Variants in NRG3 observed in about 807,000 individuals in gnomAD.
NRG3 encodes neuregulin 3, also known as pro-neuregulin-3, membrane-bound isoform.
A neutral mutation model predicts 66.9 loss-of-function variants in NRG3; 31 were observed. That is an observed-to-expected ratio of 0.46 (90% CI 0.35 to 0.63). The LOEUF (loss-of-function observed/expected upper bound fraction) is 0.63, where lower values mean the gene tolerates loss of function less well. NRG3 is among the 20% of genes least tolerant of loss of function. The probability of loss-of-function intolerance (pLI) is 0.00; values close to 1 mark genes in which losing one functional copy is unlikely to be tolerated. For missense variants in NRG3, 910 were observed against 878.9 expected (o/e 1.04, Z -0.45); for synonymous variants, 393 against 359.4 (o/e 1.09, Z -1.06).
chr10:82,330,500 T>G (rs2135264837), intron 1 of NRG3, among the ~76,000 whole-genome samples: 1 of 152,330 alleles, frequency 6.6e-6, no homozygotes, highest in Admixed American at 6.5e-5. Flanking sequence ...TTTACTGAAC[T>G]GTTCTATTAA....
chr10:82,507,795 A>G (rs571162798), intron 2 of NRG3, among the ~76,000 whole-genome samples: 27 of 152,344 alleles, frequency 1.8e-4, no homozygotes, highest in Admixed American at 5.9e-4. Context: ...GAAGGGGAAC[A>G]TATACATAGA....
At chr10:82,152,850 C>CTTTCTTTTCTTTCTT (rs1196359191) in intron 1 of NRG3, among the ~76,000 whole-genome samples, 1 of 136,052 alleles carries the variant, frequency 7.4e-6, no homozygotes, top group Non-Finnish European at 1.5e-5. Flanking sequence ...TTCTTTCTTT[C>CTTTCTTTTCTTTCTT]TTTCTTTTCT....
chr10:82,941,751 T>C (rs1037220634), intron 4 of NRG3, among the ~76,000 whole-genome samples: 4 of 152,164 alleles, frequency 2.6e-5, no homozygotes, highest in African/African-American at 7.2e-5. Context: ...GGGTTCGTTA[T>C]TGAATATTGT....
intron 4 of NRG3, among the ~76,000 whole-genome samples, chr10:82,949,748 G>C (rs1264045831): frequency 1.3e-5 from 2 of 151,984 alleles, no homozygotes; most frequent in African/African-American, 4.8e-5. Context: ...CTAGCTACTT[G>C]GGAGGCTGAA....
chr10:82,324,662 T>C (rs2081766607), intron 1 of NRG3, among the ~76,000 whole-genome samples: 1 of 152,210 alleles, frequency 6.6e-6, no homozygotes, highest in Admixed American at 6.5e-5. Context: ...TTTATATTAT[T>C]CCTTTCTCCA....
chr10:82,027,087 AATTTTCTAGGCATCCTTT>A (rs2062348042), intron 1 of NRG3, among the ~76,000 whole-genome samples: 1 of 152,062 alleles, frequency 6.6e-6, no homozygotes, highest in East Asian at 1.9e-4. Context: ...TTGTCAAATC[AATTTTCTAGGCATCCTTT>A]ATTTTCTGGG....
At chr10:82,636,702 A>T (rs991250719) in intron 2 of NRG3, among the ~76,000 whole-genome samples, 16 of 152,132 alleles carry the variant, frequency 1.1e-4, no homozygotes, top group African/African-American at 3.9e-4. Flanking sequence ...TGTTGCAATG[A>T]ACATGGGCAT....
At chr10:82,371,616 G>A (rs985831312) in intron 2 of NRG3, among the ~76,000 whole-genome samples, 1 of 152,022 alleles carries the variant, frequency 6.6e-6, no homozygotes, top group African/African-American at 2.4e-5. Context: ...TATCTGTTTT[G>A]TGTTGCTGTA....
intron 2 of NRG3, among the ~76,000 whole-genome samples, chr10:82,673,781 A>C (rs528587062): frequency 2.4e-4 from 36 of 152,172 alleles, no homozygotes; most frequent in Non-Finnish European, 4.9e-4. Context: ...ACCAACTAGA[A>C]AGTTAGGTCT....
At chr10:82,731,852 T>A (rs2057924600) in intron 2 of NRG3, among the ~76,000 whole-genome samples, 2 of 152,216 alleles carry the variant, frequency 1.3e-5, no homozygotes, top group Non-Finnish European at 2.9e-5. Context: ...ATCACCATTC[T>A]ATGTTCCATA....
Position 81,939,603 on chromosome 10 carries a change from C to A in NRG3, c.823+63440C>A, listed in dbSNP as rs1848224418. ...ATTCATCTCATTATTTCTGTGGCAT[C>A]AGTTGTAATGCCTCCTCTTTCATTT... On this transcript the variant is annotated intron_variant, in intron 1 of 8. Coordinates refer to ENST00000372141, the MANE Select transcript of NRG3 (RefSeq NM_001010848.4). 2.0e-5 allele frequency among the ~76,000 whole-genome samples: 3 copies of A among 151,506 alleles called. No individual in the cohort carries two copies. The South Asian group carries it at 6.2e-4, about 32-fold the overall frequency.
At chr10:82,913,138 T>C (rs1236330937) in intron 4 of NRG3, among the ~76,000 whole-genome samples, 1 of 152,114 alleles carries the variant, frequency 6.6e-6, no homozygotes, top group East Asian at 1.9e-4. Flanking sequence ...GGCAGGAGAA[T>C]GGCTTGAACC....
At chr10:82,740,917 G>A (rs2058396063) in intron 3 of NRG3, among the ~76,000 whole-genome samples, 1 of 151,106 alleles carries the variant, frequency 6.6e-6, no homozygotes, top group Admixed American at 6.6e-5. Context: ...ATATAAAATT[G>A]CAAAAGGAAC....
In NRG3 at chr10:82,778,038, G is replaced by T. The variant is rs78288146; in HGVS notation, c.1027+39388G>T. ...GCTCAGCCAAGGCTCTTTTTCCCTG[G>T]GGGGAAGGGTGCCTGTTAACTCCTG... On this transcript the variant is annotated intron_variant, in intron 3 of 8. Coordinates refer to ENST00000372141, the MANE Select transcript of NRG3 (RefSeq NM_001010848.4). Among the ~76,000 whole-genome samples the T allele has an allele frequency of 4.6e-3, 597 of 129,782 alleles. 3 individuals carry two copies. The highest frequency in any genetic ancestry group is 0.015 in the African/African-American group (579 of 37,684). 85.1% of individuals were successfully genotyped at this position (129,782 alleles called of 152,430 possible). A position where few individuals can be genotyped will look rare whatever the true frequency, so the allele number is the denominator to read the frequency against.
intron 1 of NRG3, among the ~76,000 whole-genome samples, chr10:82,265,379 G>T (rs2078243413): frequency 6.6e-6 from 1 of 152,168 alleles, no homozygotes; most frequent in South Asian, 2.1e-4. Flanking sequence ...AATCAGCTAA[G>T]AAAGAAAATG....
At position 81,953,197 on chromosome 10, in the gene NRG3, A is replaced by G. The variant is rs75610299; in HGVS notation, c.823+77034A>G. Among the ~76,000 whole-genome samples the G allele has an allele frequency of 2.4e-4, 36 of 152,146 alleles. No individual in the cohort carries two copies. The East Asian group carries it at 6.6e-3, about 28-fold the overall frequency. On this transcript the variant is annotated intron_variant, in intron 1 of 8. Coordinates refer to ENST00000372141, the MANE Select transcript of NRG3 (RefSeq NM_001010848.4). Reference sequence around the variant, plus strand: ...GTGGCTAGGTAGATACCCACAATAGAACTAGCTGTTTGTCTCCATTCTTGA... The same window carrying G: ...GTGGCTAGGTAGATACCCACAATAGGACTAGCTGTTTGTCTCCATTCTTGA...
intron 1 of NRG3, among the ~76,000 whole-genome samples, chr10:82,001,810 A>G (rs1286198632): frequency 6.6e-6 from 1 of 152,206 alleles, no homozygotes; most frequent in African/African-American, 2.4e-5. Context: ...ATCATTTCAT[A>G]TAGGATCTGC....
chr10:82,756,244 T>A (rs1475192393), intron 3 of NRG3, among the ~76,000 whole-genome samples: 1 of 152,098 alleles, frequency 6.6e-6, no homozygotes, highest in Non-Finnish European at 1.5e-5. Flanking sequence ...CAGCGTCTGT[T>A]TATTCTTTTC....
At chr10:82,748,569 T>G (rs2058735281) in intron 3 of NRG3, among the ~76,000 whole-genome samples, 1 of 150,398 alleles carries the variant, frequency 6.6e-6, no homozygotes, top group African/African-American at 2.4e-5. Flanking sequence ...TCTCCCAATT[T>G]TCTGCAACAC....
Sources: gnomAD v4.1 joint callset for allele counts (sites outside exome capture counted in the v4.1 genomes callset) on GRCh38, gnomAD v4.1.1 for gene constraint, MANE v1.5 for transcripts, NCBI Gene and HGNC (gene_info 2026-07-23, HGNC 2026-07-21) for gene names.